Variants in KIAA1217 observed in about 807,000 individuals in gnomAD.
The protein encoded by KIAA1217 is KIAA1217.
A neutral mutation model predicts 163.9 loss-of-function variants in KIAA1217; 88 were observed. The ratio of observed to expected loss-of-function variants is 0.54; its 90% CI spans 0.45 to 0.64. The LOEUF is 0.64. KIAA1217 is among the 30% of genes least tolerant of loss of function. The pLI, the probability that KIAA1217 is intolerant of heterozygous loss-of-function variation, is 0.00. For missense variants in KIAA1217, 2,372 were observed against 2,475.0 expected (o/e 0.96, Z 0.88); for synonymous variants, 903 against 923.1 (o/e 0.98, Z 0.39).
chr10:23,976,974 T>C (rs1209183838), intron 1 of KIAA1217, among the ~76,000 whole-genome samples: 2 of 152,214 alleles, frequency 1.3e-5, no homozygotes, highest in Non-Finnish European at 2.9e-5. Flanking sequence ...CGACACCACT[T>C]TCTTTCTCAG....
intron 3 of KIAA1217, among the ~76,000 whole-genome samples, chr10:24,427,136 C>T (rs763110674): frequency 2.0e-4 from 30 of 152,064 alleles, no homozygotes; most frequent in Non-Finnish European, 3.8e-4. Flanking sequence ...CTCAGGGGGA[C>T]ACTGAGCATT....
chr10:24,176,651 C>T (rs1217362466), intron 2 of KIAA1217, among the ~76,000 whole-genome samples: 1 of 152,380 alleles, frequency 6.6e-6, no homozygotes, highest in Admixed American at 6.5e-5. Context: ...GACTCAGGAG[C>T]CCAGCTGGCT....
intron 1 of KIAA1217, among the ~76,000 whole-genome samples, chr10:23,730,196 C>T (rs1588678482): frequency 2.6e-5 from 4 of 152,274 alleles, no homozygotes; most frequent in African/African-American, 7.2e-5. Flanking sequence ...CCACCATGCC[C>T]GGCTTCTATG....
chr10:24,150,214 A>G (rs1564759307), intron 2 of KIAA1217, among the ~76,000 whole-genome samples: 1 of 152,016 alleles, frequency 6.6e-6, no homozygotes, highest in Non-Finnish European at 1.5e-5. Context: ...ATGGGGTTTC[A>G]CCATGTTGGC....
chr10:23,939,079 T>C (rs1843651457), intron 1 of KIAA1217, among the ~76,000 whole-genome samples: 1 of 152,172 alleles, frequency 6.6e-6, no homozygotes, highest in Admixed American at 6.5e-5. Flanking sequence ...AGTTAAATAC[T>C]GTAAGCCCTA....
intron 2 of KIAA1217, among the ~76,000 whole-genome samples, chr10:24,244,779 G>C (rs1343352999): frequency 6.6e-6 from 1 of 151,914 alleles, no homozygotes; most frequent in Non-Finnish European, 1.5e-5. Context: ...TACCCAGGCT[G>C]ATCTCGAACT....
chr10:24,303,449 T>C (rs1014769049), intron 2 of KIAA1217, among the ~76,000 whole-genome samples: 3 of 152,140 alleles, frequency 2.0e-5, no homozygotes, highest in Admixed American at 2.0e-4. Flanking sequence ...ACTAGGGTGG[T>C]GGCCATGAGA....
intron 1 of KIAA1217, among the ~76,000 whole-genome samples, chr10:23,906,253 AGCACAC>A (rs1471762787): frequency 7.1e-6 from 1 of 140,600 alleles, no homozygotes; most frequent in Non-Finnish European, 1.6e-5. Context: ...AACCATAGGA[AGCACAC>A]ACACACACAC....
intron 9 of KIAA1217, 69 bp downstream of exon 9, chr10:24,501,614 G>A (rs1384793659): frequency 1.4e-5 from 20 of 1,420,758 alleles, no homozygotes; most frequent in Middle Eastern, 2.5e-4. Flanking sequence ...TTTCCTAGGG[G>A]CTCCGTGAAG....
intron 1 of KIAA1217, among the ~76,000 whole-genome samples, chr10:23,750,095 A>G (rs1184820318): frequency 2.0e-5 from 3 of 151,822 alleles, no homozygotes; most frequent in African/African-American, 7.3e-5. Flanking sequence ...TCTGGCCATC[A>G]TCATCTACTA....
At chr10:24,002,282 C>A (rs979369112) in intron 1 of KIAA1217, among the ~76,000 whole-genome samples, 2 of 152,152 alleles carry the variant, frequency 1.3e-5, no homozygotes, top group African/African-American at 4.8e-5. Flanking sequence ...GTGGTTCTTT[C>A]CAATTCATTC....
At chr10:23,994,355 A>G (rs1402096778) in intron 1 of KIAA1217, among the ~76,000 whole-genome samples, 1 of 151,862 alleles carries the variant, frequency 6.6e-6, no homozygotes, top group East Asian at 1.9e-4. Flanking sequence ...TGTAGTGGAA[A>G]TCTCCTTTGT....
chr10:23,697,168 T>C (rs1255442966), intron 1 of KIAA1217, among the ~76,000 whole-genome samples: 1 of 152,210 alleles, frequency 6.6e-6, no homozygotes, highest in Admixed American at 6.5e-5. Context: ...TAACTTACCA[T>C]GCAGAGATCA....
At chr10:24,066,805 C>T (rs1388425783) in intron 2 of KIAA1217, among the ~76,000 whole-genome samples, 1 of 152,166 alleles carries the variant, frequency 6.6e-6, no homozygotes, top group East Asian at 1.9e-4. Flanking sequence ...TTCGTCTTTC[C>T]ACATAGTCCC....
At chr10:23,730,517 C>A (rs11013669) in intron 1 of KIAA1217, among the ~76,000 whole-genome samples, 33,169 of 151,846 alleles carry the variant, frequency 0.22, 3,840 homozygotes, top group Middle Eastern at 0.29. Context: ...TCAGTTTGTT[C>A]ATATCTACAA....
At chr10:24,135,405 G>T (rs557840161) in intron 2 of KIAA1217, among the ~76,000 whole-genome samples, 1 of 151,950 alleles carries the variant, frequency 6.6e-6, no homozygotes, top group East Asian at 1.9e-4. Flanking sequence ...TGCCAGTTCC[G>T]TCTCTGCTTG....
At chr10:24,030,737 A>G (rs1564621894) in intron 2 of KIAA1217, among the ~76,000 whole-genome samples, 1 of 152,170 alleles carries the variant, frequency 6.6e-6, no homozygotes, top group Non-Finnish European at 1.5e-5. Context: ...TGGCAACTCT[A>G]GGAACCTCAC....
At chr10:23,799,946 A>G (rs1002380141) in intron 1 of KIAA1217, among the ~76,000 whole-genome samples, 2 of 152,234 alleles carry the variant, frequency 1.3e-5, no homozygotes, top group Admixed American at 1.3e-4. Context: ...TCTAGGATGT[A>G]AACAAGATTA....
intron 5 of KIAA1217, among the ~76,000 whole-genome samples, chr10:24,472,087 A>G (rs2063583608): frequency 6.6e-6 from 1 of 152,170 alleles, no homozygotes; most frequent in East Asian, 1.9e-4. Context: ...TAAGTAAACC[A>G]TAAGGAAGAA....
Sources: gnomAD v4.1 joint callset for allele counts (sites outside exome capture counted in the v4.1 genomes callset) on GRCh38, gnomAD v4.1.1 for gene constraint, MANE v1.5 for transcripts, NCBI Gene and HGNC (gene_info 2026-07-23, HGNC 2026-07-21) for gene names.